The following NRP1 variants were observed in gnomAD, a reference collection of about 807,000 sequenced individuals.
NRP1 encodes the protein neuropilin-1.
A neutral mutation model predicts 106.7 loss-of-function variants in NRP1; 35 were observed. The ratio of observed to expected loss-of-function variants is 0.33; its 90% CI spans 0.25 to 0.43. The LOEUF (loss-of-function observed/expected upper bound fraction) is 0.43. Ranked by LOEUF, NRP1 falls within the 20% of genes least tolerant of loss-of-function variation. NRP1 has a pLI of 1.00. For synonymous variants in NRP1, 437 were observed against 417.9 expected (o/e 1.05, Z -0.56); for missense variants, 1,024 against 1,170.4 (o/e 0.87, Z 1.83).
At chr10:33,235,634 A>C (rs1840495674) in intron 6 of NRP1, among the ~76,000 whole-genome samples, 1 of 152,356 alleles carries the variant, frequency 6.6e-6, no homozygotes, top group East Asian at 1.9e-4. Context: ...AACCAGACAA[A>C]TATTCCATTT....
intron 2 of NRP1, among the ~76,000 whole-genome samples, chr10:33,295,778 T>C (rs1206626496): frequency 1.3e-5 from 2 of 152,278 alleles, no homozygotes; most frequent in Non-Finnish European, 2.9e-5. Flanking sequence ...GGCCTGTTAG[T>C]AGATAAAACA....
chr10:33,330,840 A>G lies in NRP1; in HGVS notation c.116T>C (p.Leu39Pro), dbSNP rs1848231256. 1 of 1,612,818 alleles carries G rather than the reference A, an allele frequency of 6.2e-7. No homozygotes were observed. The highest frequency in any genetic ancestry group is 8.5e-7 in the Non-Finnish European group (1 of 1,179,296). Residue 39 changes from leucine to proline, a missense_variant, in exon 2 of 17, where the codon CTT becomes CCT. Leu to Pro is a moderately conservative substitution (Grantham distance 98, BLOSUM62 -3). This residue lies in a region of NRP1 where 279 missense variants were observed against 327.4 expected (regional missense o/e 0.85). Transcript: ENST00000374867. ...AGAATGAGGATAACCAGGAGATGTA[A>G]GGTACCCGGGGCTTTCAATTTTTAT... ...DTIKIESPGY[L>P]TSPGYPHSYH...
At chr10:33,257,451 A>C (rs890637072) in intron 4 of NRP1, among the ~76,000 whole-genome samples, 2 of 152,218 alleles carry the variant, frequency 1.3e-5, no homozygotes, top group African/African-American at 4.8e-5. Context: ...AGCCTGGCCA[A>C]CATGGTGAAA....
At position 33,295,862 on chromosome 10, in the gene NRP1, T is replaced by C. The variant is rs117917036; in HGVS notation, c.249-25006A>G. Among the ~76,000 whole-genome samples, 1,281 of 152,302 alleles carry C rather than the reference T, an allele frequency of 8.4e-3. 8 individuals carry two copies. The highest frequency in any genetic ancestry group is 0.012 in the Admixed American group (187 of 15,296). On this transcript the variant is annotated intron_variant, in intron 2 of 16. Transcript: ENST00000374867. ...AATGATGGCTAAAAGGGCTGCCTAT[T>C]ATGCTAAAACTCAAGGAAATTAAGT...
Position 33,207,702 on chromosome 10 carries a change from G to A in NRP1, c.1629C>T (p.Asn543=), listed in dbSNP as rs1837906820. 6.2e-7 allele frequency: 1 copy of A among 1,613,400 alleles called. No homozygotes were observed. Among genetic ancestry groups the A allele is most frequent in the Non-Finnish European group, 8.5e-7 (1 of 1,179,898 alleles). The part of the protein sequence containing the change: ...SKRKAKSFEG[N]NNYDTPELRT... Reference sequence around the variant, plus strand: ...GCAGCTCAGGTGTATCATAGTTGTTGTTGCCCTCAAAAGACTGTGAAGCAT... The same window carrying A: ...GCAGCTCAGGTGTATCATAGTTGTTATTGCCCTCAAAAGACTGTGAAGCAT... Residue 543 remains asparagine (N), a synonymous_variant, in exon 10 of 17, where the codon AAC becomes AAT. Transcript: ENST00000374867.
intron 4 of NRP1, among the ~76,000 whole-genome samples, chr10:33,256,907 G>A (rs1300381726): frequency 6.6e-6 from 1 of 152,146 alleles, no homozygotes; most frequent in African/African-American, 2.4e-5. Context: ...GGAGATTCTG[G>A]GGATGCTGAT....
chr10:33,194,156 T>C (rs1037595182), intron 12 of NRP1, among the ~76,000 whole-genome samples: 2 of 152,206 alleles, frequency 1.3e-5, no homozygotes, highest in Admixed American at 1.3e-4. Flanking sequence ...GATTGAATTA[T>C]GTAGATGAAG....
chr10:33,253,905 G>A, intron 6 of NRP1, 123 bp downstream of exon 6: 1 of 785,146 alleles, frequency 1.3e-6, no homozygotes, highest in South Asian at 2.1e-5. Flanking sequence ...ATTTATACCT[G>A]ATGGCCGTGA....
At chr10:33,322,892 C>G (rs1847619418) in intron 2 of NRP1, among the ~76,000 whole-genome samples, 1 of 152,162 alleles carries the variant, frequency 6.6e-6, no homozygotes, top group Admixed American at 6.5e-5. Context: ...TTTCCTCATT[C>G]AAAAAGCACA....
At chr10:33,228,294 C>T (rs1325757254) in intron 6 of NRP1, among the ~76,000 whole-genome samples, 2 of 152,128 alleles carry the variant, frequency 1.3e-5, no homozygotes, top group Admixed American at 6.5e-5. Context: ...ATCTCCTGAA[C>T]CCTGGAGGCA....
chr10:33,187,823 C>T (rs934548565), intron 13 of NRP1, among the ~76,000 whole-genome samples: 1 of 152,200 alleles, frequency 6.6e-6, no homozygotes. Flanking sequence ...GGCACATACT[C>T]CTTTCCGCTT....
chr10:33,202,568 G>GGGC, intron 11 of NRP1: 4 of 1,121,026 alleles, frequency 3.6e-6, no homozygotes, highest in East Asian at 6.3e-5. Context: ...ACGTGTTATT[G>GGGC]GGGGGGGGTC....
At chr10:33,276,030 T>TC (rs1843667523) in intron 2 of NRP1, among the ~76,000 whole-genome samples, 2 of 152,200 alleles carry the variant, frequency 1.3e-5, no homozygotes, top group African/African-American at 2.4e-5. Flanking sequence ...CAGTGTATTC[T>TC]CAACTCTTAT....
At chr10:33,192,133 T>G in intron 13 of NRP1, 148 bp downstream of exon 13, 1 of 829,022 alleles carries the variant, frequency 1.2e-6, no homozygotes, top group Non-Finnish European at 1.9e-6. Context: ...GAGACATTGT[T>G]AATTCTAGAA....
Position 33,286,828 on chromosome 10 carries a change from C to A in NRP1, c.249-15972G>T, listed in dbSNP as rs535481360. ...CCCCACCCAAGCAACTAGGCAATTT[C>A]ATGCCAAATCTTATAGTCCATTTAA... On this transcript the variant is annotated intron_variant, in intron 2 of 16. Transcript: ENST00000374867. Among the ~76,000 whole-genome samples, 253 of 152,172 alleles carry A rather than the reference C, an allele frequency of 1.7e-3. 1 individual carries two copies. The highest frequency in any genetic ancestry group is 1.1e-3 in the Non-Finnish European group (72 of 68,010).
intron 4 of NRP1, among the ~76,000 whole-genome samples, chr10:33,261,880 C>A (rs957632827): frequency 2.0e-5 from 3 of 152,038 alleles, no homozygotes; most frequent in Non-Finnish European, 4.4e-5. Flanking sequence ...GAATTATAGG[C>A]CTGCACCACC....
At chr10:33,313,954 TTCCC>T (rs908615631) in intron 2 of NRP1, among the ~76,000 whole-genome samples, 2 of 151,716 alleles carry the variant, frequency 1.3e-5, no homozygotes, top group South Asian at 2.1e-4. Flanking sequence ...CCTTCCTTCC[TTCCC>T]TCCCTCTCTC....
intron 6 of NRP1, among the ~76,000 whole-genome samples, chr10:33,229,578 A>G (rs1839942715): frequency 6.6e-6 from 1 of 152,154 alleles, no homozygotes; most frequent in Admixed American, 6.5e-5. Flanking sequence ...GGCTGATTTG[A>G]AACAACCCTA....
chr10:33,196,908 G>A (rs1836825170), intron 12 of NRP1, among the ~76,000 whole-genome samples: 1 of 152,138 alleles, frequency 6.6e-6, no homozygotes, highest in African/African-American at 2.4e-5. Flanking sequence ...AAACTGACCT[G>A]TTCACCTTAG....
Sources: gnomAD v4.1 joint callset for allele counts (sites outside exome capture counted in the v4.1 genomes callset) on GRCh38, gnomAD v4.1.1 for gene constraint, gnomAD v4.1.1 regional missense constraint, MANE v1.5 for transcripts, NCBI Gene and HGNC (gene_info 2026-07-23, HGNC 2026-07-21) for gene names.